The following RGS7 variants were observed in gnomAD, a reference collection of about 807,000 sequenced individuals.
The protein encoded by RGS7 is regulator of G-protein signaling 7.
RGS7 carries 27 observed loss-of-function variants against 81.1 expected under a neutral mutation model. The ratio of observed to expected loss-of-function variants is 0.33; its 90% CI spans 0.25 to 0.46. The LOEUF (loss-of-function observed/expected upper bound fraction) is 0.46. RGS7 is among the 20% of genes least tolerant of loss of function. RGS7 has a pLI of 1.00. For missense variants in RGS7, 396 were observed against 607.4 expected, an observed-to-expected ratio of 0.65 and a Z score of 3.66; for synonymous variants, 208 against 207.7, an observed-to-expected ratio of 1.00 and a Z score of -0.01.
chr1:241,094,266 C>A (rs1209554018), intron 3 of RGS7, among the ~76,000 whole-genome samples: 1 of 151,928 alleles, frequency 6.6e-6, no homozygotes, highest in East Asian at 1.9e-4. Context: ...CACACACACA[C>A]ACACACACAC....
intron 5 of RGS7, among the ~76,000 whole-genome samples, chr1:240,932,876 C>CTTTT (rs36194238): frequency 0.047 from 2,726 of 57,470 alleles, 126 homozygotes; most frequent in Middle Eastern, 0.12. Flanking sequence ...TGGTATCTTT[C>CTTTT]TTTTTTTTTT....
intron 3 of RGS7, among the ~76,000 whole-genome samples, chr1:241,075,033 C>T (rs527382454): frequency 1.3e-5 from 2 of 152,240 alleles, no homozygotes; most frequent in African/African-American, 4.8e-5. Context: ...GCTAAAAGGC[C>T]ACCTGACCAG....
At position 241,106,752 on chromosome 1, in the gene RGS7, C is replaced by CCACCACACA. The variant is rs1553421291; in HGVS notation, c.79-7991_79-7990insTGTGTGGTG. ...AAAAAAAAAAAAACCAACACCACCA[C>CCACCACACA]CACACACACACACACACACACACAC... On this transcript the variant is annotated intron_variant, in intron 2 of 18. Transcript: ENST00000440928. 2.4e-3 allele frequency among the ~76,000 whole-genome samples: 296 copies of CCACCACACA among 121,636 alleles called. 1 individual carries two copies. The highest frequency in any genetic ancestry group is 7.8e-3 in the African/African-American group (238 of 30,340). 79.8% of individuals were successfully genotyped at this position (121,636 alleles called of 152,430 possible).
At chr1:241,344,732 T>G (rs1573773363) in intron 2 of RGS7, among the ~76,000 whole-genome samples, 1 of 152,352 alleles carries the variant, frequency 6.6e-6, no homozygotes, top group East Asian at 1.9e-4. Context: ...AGAGGTATTT[T>G]GTTTTTTAAG....
At chr1:241,093,700 T>G (rs1186585976) in intron 3 of RGS7, among the ~76,000 whole-genome samples, 1 of 152,198 alleles carries the variant, frequency 6.6e-6, no homozygotes, top group Non-Finnish European at 1.5e-5. Flanking sequence ...ACTAATGAAT[T>G]AGAATATCTG....
chr1:241,132,650 G>A (rs73129625), intron 2 of RGS7, among the ~76,000 whole-genome samples: 10,670 of 152,106 alleles, frequency 0.07, 1,209 homozygotes, highest in African/African-American at 0.24. Context: ...GGTGGGGGAG[G>A]TACATTAGCC....
intron 6 of RGS7, among the ~76,000 whole-genome samples, chr1:240,917,473 TAAG>T (rs1338810804): frequency 6.6e-6 from 1 of 152,102 alleles, no homozygotes. Flanking sequence ...TTATAAGAGA[TAAG>T]AAGGAGAAAG....
At chr1:240,814,927 C>T in intron 11 of RGS7, 150 bp from the exon 12 acceptor site, 2 of 664,682 alleles carry the variant, frequency 3.0e-6, no homozygotes, top group Non-Finnish European at 5.4e-6. Flanking sequence ...AAGCAGAGGG[C>T]TCTTAAAGAG....
chr1:240,826,110 G>A (rs1203013199), intron 10 of RGS7, among the ~76,000 whole-genome samples: 1 of 152,188 alleles, frequency 6.6e-6, no homozygotes, highest in African/African-American at 2.4e-5. Context: ...AGCCACCAGA[G>A]AGACAGACCA....
chr1:240,942,922 T>A (rs1482358855), intron 4 of RGS7, among the ~76,000 whole-genome samples: 1 of 152,216 alleles, frequency 6.6e-6, no homozygotes, highest in Non-Finnish European at 1.5e-5. Flanking sequence ...AATGGACTAT[T>A]ACCATATTTA....
chr1:240,994,618 G>T (rs1686994866), intron 3 of RGS7, among the ~76,000 whole-genome samples: 1 of 152,010 alleles, frequency 6.6e-6, no homozygotes, highest in Non-Finnish European at 1.5e-5. Context: ...GCAAAGAGGG[G>T]AAGCTTTAAT....
At chr1:240,976,774 C>T (rs868511760) in intron 4 of RGS7, among the ~76,000 whole-genome samples, 7 of 141,306 alleles carry the variant, frequency 5.0e-5, no homozygotes, top group South Asian at 2.4e-4. Flanking sequence ...TATCTATCAT[C>T]GATCTATCAT....
intron 3 of RGS7, among the ~76,000 whole-genome samples, chr1:241,043,629 T>C (rs2060748058): frequency 6.8e-6 from 1 of 147,572 alleles, no homozygotes; most frequent in South Asian, 2.1e-4. Flanking sequence ...TTTTATATAA[T>C]ACATATTATA....
chr1:240,827,381 C>A (rs1171565402), intron 9 of RGS7, among the ~76,000 whole-genome samples: 1 of 152,176 alleles, frequency 6.6e-6, no homozygotes, highest in South Asian at 2.1e-4. Flanking sequence ...CACTTAAAAG[C>A]CTTCAGATGC....
chr1:240,775,862 T>TGA lies in RGS7; in HGVS notation c.*356_*357dup, dbSNP rs138253560. 173 of 327,788 alleles carry TGA rather than the reference T, an allele frequency of 5.3e-4. No individual in the cohort carries two copies. The highest frequency in any genetic ancestry group is 1.0e-3 in the Middle Eastern group (1 of 994). The allele number at this position is 327,788 out of a possible 1,614,324, so 20.3% of individuals were successfully genotyped here. ...TGAACTGTGTGTCTAACTGAAGCTTTGAGAGAGAGAGAGAGAGAAAGAAGG... is the reference window on the plus strand; with the variant it reads ...TGAACTGTGTGTCTAACTGAAGCTTTGAGAGAGAGAGAGAGAGAGAAAGAAGG... On this transcript the variant is annotated 3_prime_UTR_variant, in exon 19 of 19. Transcript: ENST00000440928.
chr1:241,284,516 T>G (rs2078690792), intron 2 of RGS7, among the ~76,000 whole-genome samples: 1 of 152,140 alleles, frequency 6.6e-6, no homozygotes, highest in South Asian at 2.1e-4. Context: ...GGAACAATGG[T>G]GAAAGTCCTG....
At chr1:240,954,624 A>G (rs1305339195) in intron 4 of RGS7, among the ~76,000 whole-genome samples, 1 of 152,136 alleles carries the variant, frequency 6.6e-6, no homozygotes, top group Non-Finnish European at 1.5e-5. Flanking sequence ...AACATCTACA[A>G]AAATACTACA....
At chr1:240,847,316 T>C (rs1294665071) in intron 9 of RGS7, among the ~76,000 whole-genome samples, 2 of 152,194 alleles carry the variant, frequency 1.3e-5, no homozygotes, top group African/African-American at 2.4e-5. Context: ...TCAAGGGTCG[T>C]GTAGGGTAAG....
At chr1:240,966,884 T>C (rs953457995) in intron 4 of RGS7, among the ~76,000 whole-genome samples, 2 of 152,218 alleles carry the variant, frequency 1.3e-5, no homozygotes, top group African/African-American at 2.4e-5. Context: ...AAACAATCTA[T>C]TTTTTTAATG....
Sources: gnomAD v4.1 joint callset for allele counts (sites outside exome capture counted in the v4.1 genomes callset) on GRCh38, gnomAD v4.1.1 for gene constraint, MANE v1.5 for transcripts, NCBI Gene and HGNC (gene_info 2026-07-23, HGNC 2026-07-21) for gene names.